CSNK1G3: variants seen among roughly 807,000 people sequenced by gnomAD.
CSNK1G3 encodes casein kinase I isoform gamma-3.
CSNK1G3 carries 23 observed loss-of-function variants against 64.3 expected under a neutral mutation model. The observed-to-expected ratio is 0.36, with a 90% CI of 0.26 to 0.51. CSNK1G3 has a LOEUF of 0.51. Among genes scored for constraint, CSNK1G3 ranks in the 20% least tolerant of loss-of-function variants. The pLI is 0.96. For missense variants in CSNK1G3, 357 were observed against 510.5 expected, an observed-to-expected ratio of 0.70 and a Z score of 2.90; for synonymous variants, 158 against 162.2, an observed-to-expected ratio of 0.97 and a Z score of 0.20.
chr5:123,545,690 C>G, exon 2 of CSNK1G3: 1 of 1,612,764 alleles, frequency 6.2e-7, no homozygotes, highest in Non-Finnish European at 8.5e-7. Context: ...AAGACAAGGA[C>G]AAATCAGATG....
At chr5:123,592,573 G>A (rs773475492) in intron 10 of CSNK1G3, among the ~76,000 whole-genome samples, 27 of 151,876 alleles carry the variant, frequency 1.8e-4, no homozygotes, top group Non-Finnish European at 3.7e-4. Context: ...CCATTTTGGA[G>A]AAGGATAGTA....
At chr5:123,585,114 C>G (rs550788705) in intron 6 of CSNK1G3, among the ~76,000 whole-genome samples, 1 of 151,986 alleles carries the variant, frequency 6.6e-6, no homozygotes, top group Non-Finnish European at 1.5e-5. Flanking sequence ...GATATGAAGG[C>G]AGATACAGAT....
At chr5:123,605,598 C>G (rs1277947764) in intron 12 of CSNK1G3, among the ~76,000 whole-genome samples, 1 of 152,028 alleles carries the variant, frequency 6.6e-6, no homozygotes, top group East Asian at 1.9e-4. Context: ...TTTGGGGCCA[C>G]TTTTTAATTG....
intron 1 of CSNK1G3, among the ~76,000 whole-genome samples, chr5:123,531,128 G>A (rs1779867672): frequency 6.6e-6 from 1 of 152,106 alleles, no homozygotes; most frequent in Admixed American, 6.5e-5. Context: ...TAACGAAGCA[G>A]TGGGAAATCA....
chr5:123,536,813 A>G (rs149117661), intron 1 of CSNK1G3, among the ~76,000 whole-genome samples: 10 of 152,142 alleles, frequency 6.6e-5, no homozygotes, highest in Non-Finnish European at 1.3e-4. Flanking sequence ...AGATACACAC[A>G]TGGCCAATGG....
chr5:123,568,953 G>T (rs1002122484), intron 4 of CSNK1G3, among the ~76,000 whole-genome samples: 2 of 152,164 alleles, frequency 1.3e-5, no homozygotes, highest in Non-Finnish European at 2.9e-5. Flanking sequence ...GCATTAAAAT[G>T]ATGTATAACA....
At chr5:123,602,996 A>G (rs964291773) in intron 10 of CSNK1G3, among the ~76,000 whole-genome samples, 5 of 152,126 alleles carry the variant, frequency 3.3e-5, no homozygotes, top group African/African-American at 1.2e-4. Flanking sequence ...AAGGTAAGGT[A>G]TCTTTCCCAG....
chr5:123,589,743 T>C (rs536523499), intron 8 of CSNK1G3, among the ~76,000 whole-genome samples: 1 of 152,284 alleles, frequency 6.6e-6, no homozygotes, highest in African/African-American at 2.4e-5. Context: ...TAGATACATG[T>C]ATCTAATACA....
chr5:123,594,540 T>C (rs1793057785), intron 10 of CSNK1G3, among the ~76,000 whole-genome samples: 1 of 152,166 alleles, frequency 6.6e-6, no homozygotes, highest in Admixed American at 6.6e-5. Flanking sequence ...GAATCAGAAA[T>C]GGGGGACTAA....
chr5:123,554,154 A>G (rs184574730), intron 3 of CSNK1G3, among the ~76,000 whole-genome samples: 1 of 152,304 alleles, frequency 6.6e-6, no homozygotes, highest in East Asian at 1.9e-4. Context: ...TAGTGTAACA[A>G]ATGTTTATTT....
At chr5:123,526,917 A>G (rs1779201803) in intron 1 of CSNK1G3, among the ~76,000 whole-genome samples, 1 of 150,828 alleles carries the variant, frequency 6.6e-6, no homozygotes. Flanking sequence ...GTATGATCCT[A>G]AAGTTGGGAT....
Position 123,581,527 on chromosome 5 carries a change from G to T in CSNK1G3, c.673+5564G>T, listed in dbSNP as rs544962905. Among the ~76,000 whole-genome samples, 17 of 151,736 alleles carry T rather than the reference G, an allele frequency of 1.1e-4. No homozygotes were observed. In the South Asian group the frequency reaches 2.3e-3, roughly 20 times the overall value. The stretch of plus-strand genomic sequence containing the variant: ...AATTATGTCTAAATTAAGAGAACTA[G>T]ATTTCAAGAGAACTTTAGGAATTAA... On this transcript the variant is annotated intron_variant, in intron 6 of 12. Transcript: ENST00000345990.
intron 4 of CSNK1G3, among the ~76,000 whole-genome samples, chr5:123,570,017 T>A (rs1787761821): frequency 6.6e-6 from 1 of 152,212 alleles, no homozygotes; most frequent in Non-Finnish European, 1.5e-5. Context: ...ATTGGTGGAT[T>A]TTTGAATATT....
intron 1 of CSNK1G3, among the ~76,000 whole-genome samples, chr5:123,539,398 A>T (rs983533698): frequency 6.8e-6 from 1 of 147,880 alleles, no homozygotes; most frequent in Non-Finnish European, 1.5e-5. Flanking sequence ...GTGAGCTGTG[A>T]TTGTGTTAAT....
intron 1 of CSNK1G3, among the ~76,000 whole-genome samples, chr5:123,539,014 A>G (rs1781264271): frequency 6.6e-6 from 1 of 152,148 alleles, no homozygotes; most frequent in Admixed American, 6.6e-5. Context: ...TTTTTTAAAA[A>G]TGCATTTTTG....
chr5:123,551,705 C>T (rs1212233413), intron 2 of CSNK1G3, among the ~76,000 whole-genome samples: 1 of 152,092 alleles, frequency 6.6e-6, no homozygotes, highest in African/African-American at 2.4e-5. Context: ...GGCCATTATG[C>T]TGGAAAATCA....
chr5:123,600,109 G>T (rs374756076), intron 10 of CSNK1G3, among the ~76,000 whole-genome samples: 171 of 152,048 alleles, frequency 1.1e-3, no homozygotes, highest in African/African-American at 4.0e-3. Flanking sequence ...CACAGGTTCA[G>T]GAAATTATTT....
intron 1 of CSNK1G3, among the ~76,000 whole-genome samples, chr5:123,531,138 A>G (rs923960798): frequency 6.6e-6 from 1 of 152,154 alleles, no homozygotes; most frequent in South Asian, 2.1e-4. Context: ...GTGGGAAATC[A>G]ATTCTATGAC....
chr5:123,512,362 G>T (rs1161849416), exon 1 of CSNK1G3: 1 of 152,494 alleles, frequency 6.6e-6, no homozygotes, highest in Non-Finnish European at 1.5e-5. Flanking sequence ...TGCAGGGACC[G>T]AATCCGAGCA....
Sources: gnomAD v4.1 joint callset for allele counts (sites outside exome capture counted in the v4.1 genomes callset) on GRCh38, gnomAD v4.1.1 for gene constraint, MANE v1.5 for transcripts, NCBI Gene and HGNC (gene_info 2026-07-23, HGNC 2026-07-21) for gene names.